Variants in IKBKB-DT observed in about 807,000 individuals in gnomAD.
IKBKB-DT encodes the protein IKBKB antisense RNA.
chr8:42,252,615 C>T (rs543389613), intron 3 of IKBKB-DT, among the ~76,000 whole-genome samples: 15 of 152,320 alleles, frequency 9.8e-5, no homozygotes, highest in African/African-American at 2.9e-4. Context: ...AATCCTCCTG[C>T]GCTGGCCTCC....
chr8:42,242,025 G>T (rs1360043984), intron 3 of IKBKB-DT, among the ~76,000 whole-genome samples: 1 of 152,094 alleles, frequency 6.6e-6, no homozygotes, highest in Non-Finnish European at 1.5e-5. Flanking sequence ...AGCTGGCCTG[G>T]CCAACATGGT....
chr8:42,255,791 C>T (rs535716532), intron 3 of IKBKB-DT, among the ~76,000 whole-genome samples: 59 of 151,668 alleles, frequency 3.9e-4, no homozygotes, highest in African/African-American at 7.8e-4. Context: ...TTTGGGAGGC[C>T]GAGGCGGGTG....
chr8:42,239,429 C>G (rs1018952303), intron 3 of IKBKB-DT, among the ~76,000 whole-genome samples: 1 of 151,376 alleles, frequency 6.6e-6, no homozygotes, highest in African/African-American at 2.4e-5. Flanking sequence ...GGTATCTCTC[C>G]CCACCAGCTC....
chr8:42,238,238 A>G (rs919073345), intron 3 of IKBKB-DT, among the ~76,000 whole-genome samples: 1 of 151,928 alleles, frequency 6.6e-6, no homozygotes, highest in East Asian at 1.9e-4. Flanking sequence ...CTGAGTGGGG[A>G]GCGTGTGAAA....
chr8:42,235,792 C>G (rs984275386), intron 3 of IKBKB-DT, among the ~76,000 whole-genome samples: 4 of 152,172 alleles, frequency 2.6e-5, no homozygotes, highest in African/African-American at 4.8e-5. Flanking sequence ...ATGCCATGGT[C>G]TGAGTGAGTT....
At chr8:42,262,160 AT>A (rs1359208272) in intron 3 of IKBKB-DT, among the ~76,000 whole-genome samples, 4 of 151,948 alleles carry the variant, frequency 2.6e-5, no homozygotes, top group Non-Finnish European at 5.9e-5. Context: ...GAGGGATAGC[AT>A]TGGGAGATAT....
chr8:42,251,093 C>A (rs983272865), intron 3 of IKBKB-DT, among the ~76,000 whole-genome samples: 2 of 152,094 alleles, frequency 1.3e-5, no homozygotes, highest in African/African-American at 4.8e-5. Flanking sequence ...TGAAACCCCA[C>A]CTCTACTGCT....
At chr8:42,235,138 A>AT (rs1488921856) in intron 3 of IKBKB-DT, among the ~76,000 whole-genome samples, 1 of 104,462 alleles carries the variant, frequency 9.6e-6, no homozygotes, top group Admixed American at 8.1e-5. Context: ...TTTGATGTCA[A>AT]TTTTTTTTCT....
intron 3 of IKBKB-DT, among the ~76,000 whole-genome samples, chr8:42,254,787 T>C (rs1807173921): frequency 6.8e-6 from 1 of 147,794 alleles, no homozygotes; most frequent in South Asian, 2.2e-4. Context: ...GTCTGGGAAG[T>C]AAGGAGCGCC....
At chr8:42,236,166 T>C (rs575025242) in intron 3 of IKBKB-DT, among the ~76,000 whole-genome samples, 53 of 147,080 alleles carry the variant, frequency 3.6e-4, no homozygotes, top group African/African-American at 1.2e-3. Flanking sequence ...ACTTCTCTCT[T>C]TTTTTTTTTT....
chr8:42,271,237 T>C (rs1807636890), exon 1 of IKBKB-DT: 1 of 666,810 alleles, frequency 1.5e-6, no homozygotes, highest in African/African-American at 1.8e-5. Flanking sequence ...ACTCGCAGCA[T>C]CCGGACCTGG....
chr8:42,254,846 G>T (rs371891642), intron 3 of IKBKB-DT, among the ~76,000 whole-genome samples: 3 of 142,922 alleles, frequency 2.1e-5, no homozygotes, highest in Admixed American at 6.9e-5. Context: ...CTGCCCGGCC[G>T]CCCCACAGTC....
intron 3 of IKBKB-DT, among the ~76,000 whole-genome samples, chr8:42,235,893 G>A (rs568296651): frequency 2.6e-4 from 40 of 152,170 alleles, no homozygotes; most frequent in African/African-American, 9.4e-4. Flanking sequence ...ACAAAAATTA[G>A]CTAGGCATGG....
intron 3 of IKBKB-DT, among the ~76,000 whole-genome samples, chr8:42,246,071 C>G (rs1266692917): frequency 6.6e-6 from 1 of 152,198 alleles, no homozygotes; most frequent in Non-Finnish European, 1.5e-5. Context: ...GGATCTTGCT[C>G]TGTCACCCAG....
At chr8:42,268,068 T>C (rs1807398001) in intron 1 of IKBKB-DT, among the ~76,000 whole-genome samples, 1 of 152,092 alleles carries the variant, frequency 6.6e-6, no homozygotes, top group Non-Finnish European at 1.5e-5. Context: ...AGAGAAACCT[T>C]TTATGACATT....
intron 3 of IKBKB-DT, among the ~76,000 whole-genome samples, chr8:42,248,230 T>C (rs1215123721): frequency 2.0e-5 from 3 of 152,166 alleles, no homozygotes; most frequent in Non-Finnish European, 4.4e-5. Context: ...TCTCACACTT[T>C]ATAGCAGTGT....
intron 3 of IKBKB-DT, among the ~76,000 whole-genome samples, chr8:42,257,035 C>T (rs564806388): frequency 3.5e-4 from 54 of 152,264 alleles, no homozygotes; most frequent in African/African-American, 1.2e-3. Context: ...CTGTCACATA[C>T]ATTTTAAGAT....
intron 3 of IKBKB-DT, among the ~76,000 whole-genome samples, chr8:42,258,578 C>T (rs1306389394): frequency 6.6e-6 from 1 of 152,036 alleles, no homozygotes; most frequent in African/African-American, 2.4e-5. Flanking sequence ...ACGCCATTCT[C>T]CTGCCTCAGC....
chr8:42,236,766 A>G (rs1334578089), intron 3 of IKBKB-DT, among the ~76,000 whole-genome samples: 1 of 152,260 alleles, frequency 6.6e-6, no homozygotes, highest in Non-Finnish European at 1.5e-5. Flanking sequence ...ACACACACAA[A>G]GAAATCATAG....
Sources: gnomAD v4.1 joint callset for allele counts (sites outside exome capture counted in the v4.1 genomes callset) on GRCh38, gnomAD v4.1.1 for gene constraint, MANE v1.5 for transcripts, NCBI Gene and HGNC (gene_info 2026-07-23, HGNC 2026-07-21) for gene names.